Variants in MBTPS1 observed in about 807,000 individuals in gnomAD.
The protein encoded by MBTPS1 is membrane bound transcription factor peptidase, site 1, also known as membrane-bound transcription factor site-1 protease.
A neutral mutation model predicts 127.8 loss-of-function variants in MBTPS1; 94 were observed. That is an observed-to-expected ratio of 0.74 (90% confidence interval 0.62 to 0.87). The LOEUF is 0.87. MBTPS1 is among the 40% of genes least tolerant of loss of function. The pLI is 0.00. For missense variants in MBTPS1, 1,636 were observed against 1,353.2 expected (o/e 1.21, Z -3.28); for synonymous variants, 632 against 509.4 (o/e 1.24, Z -3.24).
intron 19 of MBTPS1, 63 bp from the exon 20 acceptor site, chr16:84,060,876 T>C: frequency 1.3e-6 from 2 of 1,486,460 alleles, no homozygotes; most frequent in African/African-American, 1.4e-5. Flanking sequence ...GTCACGCTCT[T>C]GTCACCCAGT....
At chr16:84,106,939 C>T (rs1007541526) in intron 1 of MBTPS1, among the ~76,000 whole-genome samples, 4 of 152,092 alleles carry the variant, frequency 2.6e-5, no homozygotes, top group South Asian at 2.1e-4. Context: ...GCTGGTTGCC[C>T]GACTGGACCA....
At chr16:84,114,011 G>C (rs957676001) in intron 1 of MBTPS1, among the ~76,000 whole-genome samples, 3 of 150,430 alleles carry the variant, frequency 2.0e-5, no homozygotes, top group African/African-American at 7.4e-5. Context: ...TGCCGCCAGG[G>C]TGGAGTGCAA....
At chr16:84,103,527 C>A (rs374540404) in intron 1 of MBTPS1, among the ~76,000 whole-genome samples, 1 of 152,104 alleles carries the variant, frequency 6.6e-6, no homozygotes, top group South Asian at 2.1e-4. Flanking sequence ...GTTGAGATTA[C>A]AGACAAGAGC....
rs2085599021 is a variant in MBTPS1 at position 84,060,788 on chromosome 16, G to A, written c.2598C>T (p.Leu866=). Reference sequence around the variant, plus strand: ...TCACCCCATACGATGTGTACTGGAGGAGGGCATCCAGAAGCCAAAAGCAGT... The same window carrying A: ...TCACCCCATACGATGTGTACTGGAGAAGGGCATCCAGAAGCCAAAAGCAGT... ...QKDCFWLLDA[L]LQYTSYGVTP... The change falls in exon 20 of 23, where the codon CTC becomes CTT. Residue 866 remains leucine, a synonymous_variant. Coordinates refer to ENST00000343411, the MANE Select transcript of MBTPS1 (RefSeq NM_003791.4). The A allele has an allele frequency of 6.3e-6, 10 of 1,595,684 alleles. No homozygotes were observed. Among genetic ancestry groups the A allele is most frequent in the South Asian group, 1.1e-5 (1 of 88,474 alleles).
In MBTPS1 at chr16:84,095,627, A is replaced by G. The variant is rs1226995980; in HGVS notation, c.600T>C (p.Asp200=). ...CTGTATATCCCATCTGCCAGAGCAC[A>G]TCTGCCTGCAGTGTCTGGGCAACCT... is the stretch of plus-strand genomic sequence containing the variant. The part of the protein sequence containing the change: ...PRQVAQTLQA[D]VLWQMGYTGA... The change falls in exon 4 of 23, where the codon GAT becomes GAC. Residue 200 remains aspartate, a synonymous_variant. Transcript: ENST00000343411. The G allele has an allele frequency of 6.2e-7, 1 of 1,614,078 alleles. No individual in the cohort carries two copies. Among genetic ancestry groups the G allele is most frequent in the African/African-American group, 1.3e-5 (1 of 74,936 alleles).
intron 1 of MBTPS1, among the ~76,000 whole-genome samples, chr16:84,114,417 T>C (rs2086441438): frequency 6.6e-6 from 1 of 152,228 alleles, no homozygotes. Flanking sequence ...GTGTCTTCAC[T>C]GCCTACTGTT....
At chr16:84,074,375 C>T (rs1006551921) in intron 12 of MBTPS1, among the ~76,000 whole-genome samples, 16 of 152,076 alleles carry the variant, frequency 1.1e-4, no homozygotes, top group Non-Finnish European at 1.3e-4. Flanking sequence ...TCTGGGACCA[C>T]GGGCACACAC....
At chr16:84,116,462 G>A (rs2086480406) in intron 1 of MBTPS1, among the ~76,000 whole-genome samples, 1 of 152,196 alleles carries the variant, frequency 6.6e-6, no homozygotes, top group Non-Finnish European at 1.5e-5. Flanking sequence ...GCCAGAGCAG[G>A]GCGTATTGTT....
chr16:84,083,918 C>T (rs2085979714), intron 10 of MBTPS1, among the ~76,000 whole-genome samples: 1 of 152,204 alleles, frequency 6.6e-6, no homozygotes, highest in African/African-American at 2.4e-5. Context: ...AAAGTGAGAA[C>T]ATGTGAACAT....
chr16:84,059,514 T>G, intron 20 of MBTPS1, 86 bp from the exon 21 acceptor site: 1 of 1,298,400 alleles, frequency 7.7e-7, no homozygotes, highest in Non-Finnish European at 1.1e-6. Context: ...ATTATGAGTC[T>G]GTCTGCTTTC....
intron 2 of MBTPS1, among the ~76,000 whole-genome samples, chr16:84,099,642 G>A (rs1215076470): frequency 6.6e-6 from 1 of 152,052 alleles, no homozygotes; most frequent in Admixed American, 6.6e-5. Context: ...AAAATTAGCT[G>A]GGTGTGGTGG....
chr16:84,060,658 A>G (rs1482085349), intron 20 of MBTPS1, 24 bp downstream of exon 20: 1 of 1,607,548 alleles, frequency 6.2e-7, no homozygotes, highest in South Asian at 1.1e-5. Context: ...TTCCCTCCCC[A>G]AGGCATCCTG....
At chr16:84,081,974 C>T in intron 10 of MBTPS1, 66 bp from the exon 11 acceptor site, 1 of 1,235,658 alleles carries the variant, frequency 8.1e-7, no homozygotes, top group South Asian at 2.4e-5. Flanking sequence ...ACCACTAAAA[C>T]CTAACCTACA....
At chr16:84,110,655 C>G (rs982417722) in intron 1 of MBTPS1, 1 of 152,156 alleles carries the variant, frequency 6.6e-6, no homozygotes, top group Non-Finnish European at 1.5e-5. Flanking sequence ...TCCCAACAAC[C>G]CGTTACTACC....
chr16:84,069,343 G>C lies in MBTPS1; in HGVS notation c.1955+523C>G, dbSNP rs576973878. Among the ~76,000 whole-genome samples, 114 of 152,330 alleles carry C rather than the reference G, an allele frequency of 7.5e-4. 1 individual carries two copies. The highest frequency in any genetic ancestry group is 2.7e-3 in the African/African-American group (114 of 41,572). On this transcript the variant is annotated intron_variant, in intron 14 of 22. Transcript: ENST00000343411. ...TGCCAGCTTCTGAAGGGCTGCATGGGTCACACCAGGGGGCTTGGCCGGGTG... is the reference window on the plus strand; with the variant it reads ...TGCCAGCTTCTGAAGGGCTGCATGGCTCACACCAGGGGGCTTGGCCGGGTG...
intron 18 of MBTPS1, among the ~76,000 whole-genome samples, chr16:84,063,662 T>C (rs1279090476): frequency 3.3e-5 from 5 of 152,248 alleles, no homozygotes; most frequent in Non-Finnish European, 7.3e-5. Context: ...AAATTCACTT[T>C]GTGTGTATTT....
At chr16:84,073,819 A>C (rs1356076825) in intron 12 of MBTPS1, among the ~76,000 whole-genome samples, 1 of 152,164 alleles carries the variant, frequency 6.6e-6, no homozygotes, top group African/African-American at 2.4e-5. Flanking sequence ...AGCCTGGCCA[A>C]CATGGTGAAA....
chr16:84,054,527 CCTG>C lies in MBTPS1; in HGVS notation c.3078_3080del (p.Ser1026del). 1.2e-6 allele frequency: 2 copies of C among 1,614,004 alleles called. No individual in the cohort carries two copies. Among genetic ancestry groups the C allele is most frequent in the Non-Finnish European group, 1.7e-6 (2 of 1,179,918 alleles). ...TCACCCTGGGCTTCCTCCGCTTCGG[CCTG>C]CTCTTGGCCTTGTTGATTTGTACCA... is the stretch of plus-strand genomic sequence containing the variant. On this transcript the variant is annotated inframe_deletion, in exon 23 of 23. Transcript: ENST00000343411.
At chr16:84,097,192 G>A (rs1226212468) in intron 3 of MBTPS1, among the ~76,000 whole-genome samples, 1 of 152,140 alleles carries the variant, frequency 6.6e-6, no homozygotes, top group Non-Finnish European at 1.5e-5. Flanking sequence ...GAACCAAATG[G>A]GTGGGATGCA....
Sources: allele counts gnomAD v4.1 joint callset (sites outside exome capture counted in the v4.1 genomes callset), GRCh38; gene constraint gnomAD v4.1.1; transcripts MANE v1.5; gene names NCBI Gene and HGNC (gene_info 2026-07-23, HGNC 2026-07-21).